RGS5: variants seen among roughly 807,000 people sequenced by gnomAD.
The protein encoded by RGS5 is regulator of G-protein signalling 5.
Under a neutral mutation model 18.9 loss-of-function variants are expected in RGS5, and 20 were observed. The observed-to-expected ratio is 1.06, with a 90% CI of 0.74 to 1.54. The LOEUF (loss-of-function observed/expected upper bound fraction) is 1.54. Ranked by LOEUF, RGS5 falls within the 40% of genes most tolerant of loss-of-function variation. The pLI, the probability that RGS5 is intolerant of heterozygous loss-of-function variation, is 0.00. For synonymous variants in RGS5, 57 were observed against 76.2 expected, an observed-to-expected ratio of 0.75 and a Z score of 1.31; for missense variants, 201 against 211.8, an observed-to-expected ratio of 0.95 and a Z score of 0.32.
chr1:163,188,524 C>T (rs1659193118), intron 1 of RGS5, among the ~76,000 whole-genome samples: 1 of 152,166 alleles, frequency 6.6e-6, no homozygotes, highest in African/African-American at 2.4e-5. Context: ...GTATCATCAG[C>T]TTCCTGAAGA....
At chr1:163,285,312 T>G (rs1365367778) in intron 2 of RGS5, among the ~76,000 whole-genome samples, 1 of 152,126 alleles carries the variant, frequency 6.6e-6, no homozygotes, top group Non-Finnish European at 1.5e-5. Flanking sequence ...CCCAGCACTT[T>G]GGGAGGCCAA....
At chr1:163,261,787 T>G (rs1420246630) in intron 2 of RGS5, among the ~76,000 whole-genome samples, 2 of 152,224 alleles carry the variant, frequency 1.3e-5, no homozygotes, top group African/African-American at 4.8e-5. Context: ...ACTATTAGCT[T>G]GTAAAGAAAA....
intron 2 of RGS5, among the ~76,000 whole-genome samples, chr1:163,271,684 C>T (rs965899858): frequency 4.6e-5 from 7 of 152,162 alleles, no homozygotes; most frequent in Non-Finnish European, 8.8e-5. Context: ...ATGTTAATCA[C>T]TCACCAGTTG....
At chr1:163,180,845 T>C (rs1008050918) in intron 1 of RGS5, among the ~76,000 whole-genome samples, 25 of 151,610 alleles carry the variant, frequency 1.6e-4, no homozygotes, top group Non-Finnish European at 2.7e-4. Context: ...CAGGTGCCCG[T>C]CACTACGCCC....
intron 2 of RGS5, among the ~76,000 whole-genome samples, chr1:163,288,739 G>A (rs906923397): frequency 6.6e-6 from 1 of 152,058 alleles, no homozygotes; most frequent in African/African-American, 2.4e-5. Flanking sequence ...ACTCTATCAG[G>A]AACTTTAGCC....
chr1:163,317,112 T>C (rs1650048145), intron 1 of RGS5, among the ~76,000 whole-genome samples: 1 of 152,188 alleles, frequency 6.6e-6, no homozygotes, highest in Admixed American at 6.5e-5. Flanking sequence ...TATCTGGACA[T>C]TGTCATGTGT....
intron 2 of RGS5, chr1:163,244,591 T>A (rs1169793192): frequency 5.3e-5 from 8 of 152,046 alleles, no homozygotes; most frequent in Non-Finnish European, 1.0e-4. Context: ...AAATGAAAAA[T>A]AAAGTAAATT....
At chr1:163,177,071 A>C (rs1658590753) in intron 1 of RGS5, among the ~76,000 whole-genome samples, 1 of 152,222 alleles carries the variant, frequency 6.6e-6, no homozygotes, top group Non-Finnish European at 1.5e-5. Flanking sequence ...GCTAGAAGTG[A>C]GTGTTTACAC....
At chr1:163,268,403 A>G (rs549584765) in intron 2 of RGS5, among the ~76,000 whole-genome samples, 2 of 152,230 alleles carry the variant, frequency 1.3e-5, no homozygotes, top group Admixed American at 1.3e-4. Flanking sequence ...TGACTTGACT[A>G]AAATCTCTGT....
chr1:163,170,798 A>T (rs769977187), intron 1 of RGS5, among the ~76,000 whole-genome samples: 6 of 152,188 alleles, frequency 3.9e-5, no homozygotes, highest in Non-Finnish European at 8.8e-5. Context: ...GATCAAGCTC[A>T]GCACGGCATT....
At chr1:163,297,499 C>T (rs1227181857) in intron 2 of RGS5, among the ~76,000 whole-genome samples, 1 of 152,044 alleles carries the variant, frequency 6.6e-6, no homozygotes, top group East Asian at 1.9e-4. Flanking sequence ...TTAGGATTCC[C>T]CATTACCTTT....
At chr1:163,263,169 A>G (rs577378461) in intron 2 of RGS5, among the ~76,000 whole-genome samples, 30 of 152,222 alleles carry the variant, frequency 2.0e-4, no homozygotes, top group African/African-American at 7.0e-4. Flanking sequence ...GATCTTCTGT[A>G]ATTTCTGCAA....
chr1:163,274,563 T>C (rs1648805008), intron 2 of RGS5, among the ~76,000 whole-genome samples: 2 of 152,150 alleles, frequency 1.3e-5, no homozygotes, highest in African/African-American at 4.8e-5. Context: ...TAGCAAATTA[T>C]TGAACCTGGG....
intron 2 of RGS5, among the ~76,000 whole-genome samples, chr1:163,290,380 A>G (rs1649251592): frequency 6.6e-6 from 1 of 152,220 alleles, no homozygotes; most frequent in African/African-American, 2.4e-5. Context: ...ACGCCTCTTC[A>G]ATATTTAATC....
chr1:163,237,322 C>A, intron 2 of RGS5: 1 of 155,470 alleles, frequency 6.4e-6, no homozygotes, highest in South Asian at 1.9e-4. Context: ...CTCCAGAATT[C>A]CAGTCACTTT....
chr1:163,202,685 C>T, intron 1 of RGS5, 107 bp downstream of exon 1: 1 of 913,316 alleles, frequency 1.1e-6, no homozygotes, highest in Non-Finnish European at 1.7e-6. Flanking sequence ...CCTGTTTCAC[C>T]TCAGCTTAGC....
intron 2 of RGS5, among the ~76,000 whole-genome samples, chr1:163,280,335 G>A (rs1323278437): frequency 6.6e-6 from 1 of 152,004 alleles, no homozygotes; most frequent in Non-Finnish European, 1.5e-5. Context: ...TTTATCCCAT[G>A]GATGCAAGGA....
At chr1:163,175,484 A>G (rs1658508226) in intron 1 of RGS5, among the ~76,000 whole-genome samples, 1 of 152,160 alleles carries the variant, frequency 6.6e-6, no homozygotes, top group Non-Finnish European at 1.5e-5. Flanking sequence ...AGAATATGCT[A>G]GTGGAAAGTC....
chr1:163,194,576 G>A (rs901232842), intron 1 of RGS5, among the ~76,000 whole-genome samples: 2 of 151,988 alleles, frequency 1.3e-5, no homozygotes, highest in Admixed American at 6.6e-5. Context: ...TACAGCTCAG[G>A]TGCCTGTATT....
Sources: allele counts gnomAD v4.1 joint callset (sites outside exome capture counted in the v4.1 genomes callset), GRCh38; gene constraint gnomAD v4.1.1; transcripts MANE v1.5; gene names NCBI Gene and HGNC (gene_info 2026-07-23, HGNC 2026-07-21).